GPM6A: variants seen among roughly 807,000 people sequenced by gnomAD.
The protein encoded by GPM6A is neuronal membrane glycoprotein M6-a.
In GPM6A, 7 loss-of-function variants were observed where a neutral mutation model predicts 32.1. That is an observed-to-expected ratio of 0.22 (90% CI 0.12 to 0.41). The LOEUF (loss-of-function observed/expected upper bound fraction) is 0.41, where lower values mean the gene tolerates loss of function less well. Among genes scored for constraint, GPM6A ranks in the 10% least tolerant of loss-of-function variants. The probability of loss-of-function intolerance (pLI) is 1.00; values close to 1 mark genes in which losing one functional copy is unlikely to be tolerated. For synonymous variants in GPM6A, 130 were observed against 123.4 expected (o/e 1.05, Z -0.35); for missense variants, 235 against 347.2 (o/e 0.68, Z 2.57).
chr4:175,850,217 T>A (rs1394441492), intron 1 of GPM6A, among the ~76,000 whole-genome samples: 2 of 152,014 alleles, frequency 1.3e-5, no homozygotes, highest in African/African-American at 4.8e-5. Context: ...AACCCTAAGC[T>A]ATAAAGAGAG....
chr4:175,652,412 G>A (rs533493575), intron 3 of GPM6A, among the ~76,000 whole-genome samples: 15 of 152,008 alleles, frequency 9.9e-5, no homozygotes, highest in African/African-American at 2.9e-4. Flanking sequence ...ATGTCATGTC[G>A]CAAATATTTA....
At chr4:175,746,661 T>C (rs367952846) in intron 1 of GPM6A, among the ~76,000 whole-genome samples, 1 of 152,184 alleles carries the variant, frequency 6.6e-6, no homozygotes, top group South Asian at 2.1e-4. Context: ...CCAAGGACTT[T>C]GATTTTGTAT....
intron 1 of GPM6A, among the ~76,000 whole-genome samples, chr4:175,773,588 T>C (rs1181015352): frequency 6.6e-6 from 1 of 152,188 alleles, no homozygotes; most frequent in East Asian, 1.9e-4. Context: ...AAATGACATG[T>C]ATATATTAGC....
At chr4:175,760,429 C>A (rs1231004116) in intron 1 of GPM6A, among the ~76,000 whole-genome samples, 2 of 152,040 alleles carry the variant, frequency 1.3e-5, no homozygotes, top group Non-Finnish European at 2.9e-5. Context: ...GATGAGGAGA[C>A]AAGCAACACA....
chr4:175,931,449 T>C (rs1739034889), intron 1 of GPM6A, among the ~76,000 whole-genome samples: 1 of 152,126 alleles, frequency 6.6e-6, no homozygotes. Context: ...TTATAGATGA[T>C]AACTCAGATG....
chr4:175,888,803 AAAGGATTCC>A (rs766538829), intron 1 of GPM6A, among the ~76,000 whole-genome samples: 26 of 152,272 alleles, frequency 1.7e-4, no homozygotes, highest in Non-Finnish European at 3.1e-4. Flanking sequence ...TGAATTCCCA[AAAGGATTCC>A]AAGGATTCCA....
intron 1 of GPM6A, among the ~76,000 whole-genome samples, chr4:175,799,639 A>G (rs1734381831): frequency 6.6e-6 from 1 of 151,776 alleles, no homozygotes. Flanking sequence ...CCAAATGACT[A>G]CATTTGTCAC....
intron 2 of GPM6A, among the ~76,000 whole-genome samples, chr4:175,693,646 C>T (rs58109642): frequency 2.0e-4 from 30 of 152,182 alleles, no homozygotes; most frequent in African/African-American, 4.3e-4. Context: ...TGAAATACTT[C>T]GGCTTAAGTC....
intron 1 of GPM6A, among the ~76,000 whole-genome samples, chr4:175,856,665 G>T (rs929914612): frequency 2.6e-5 from 4 of 152,194 alleles, no homozygotes; most frequent in Non-Finnish European, 5.9e-5. Flanking sequence ...GGTGTATGCA[G>T]AGGATTTTTA....
intron 1 of GPM6A, among the ~76,000 whole-genome samples, chr4:175,950,598 C>T (rs1739774796): frequency 1.3e-5 from 2 of 152,084 alleles, no homozygotes; most frequent in Admixed American, 1.3e-4. Flanking sequence ...TTACATTTAA[C>T]TTTACTCTCA....
intron 1 of GPM6A, among the ~76,000 whole-genome samples, chr4:175,972,421 C>T (rs928993424): frequency 3.3e-5 from 5 of 152,124 alleles, no homozygotes; most frequent in African/African-American, 7.2e-5. Flanking sequence ...ATCCTGAACA[C>T]GGTATTTTAA....
At chr4:175,843,913 T>C (rs1369050698) in intron 1 of GPM6A, among the ~76,000 whole-genome samples, 1 of 152,158 alleles carries the variant, frequency 6.6e-6, no homozygotes, top group African/African-American at 2.4e-5. Flanking sequence ...CTGGTTAGCC[T>C]AGTTTTAGCA....
At chr4:175,978,967 A>C (rs796809135) in intron 1 of GPM6A, among the ~76,000 whole-genome samples, 1,762 of 140,820 alleles carry the variant, frequency 0.013, 11 homozygotes, top group South Asian at 0.032. Flanking sequence ...ATTTAAAGCA[A>C]AAAAAAAAAA....
At chr4:175,866,146 T>A (rs893555345) in intron 1 of GPM6A, among the ~76,000 whole-genome samples, 1 of 152,190 alleles carries the variant, frequency 6.6e-6, no homozygotes, top group African/African-American at 2.4e-5. Context: ...AGAGTGGTTT[T>A]AAATTCCCAG....
chr4:175,693,998 C>T (rs549635312), intron 2 of GPM6A, among the ~76,000 whole-genome samples: 6 of 152,218 alleles, frequency 3.9e-5, no homozygotes, highest in Admixed American at 1.3e-4. Flanking sequence ...CTCTCTTGCT[C>T]CTGCTCTGGC....
intron 1 of GPM6A, among the ~76,000 whole-genome samples, chr4:175,909,666 G>C (rs2111505199): frequency 6.6e-6 from 1 of 152,232 alleles, no homozygotes; most frequent in South Asian, 2.1e-4. Context: ...TAAAGGAAGA[G>C]CAATAACGAG....
At chr4:175,976,275 G>A (rs1740657445) in intron 1 of GPM6A, among the ~76,000 whole-genome samples, 1 of 149,074 alleles carries the variant, frequency 6.7e-6, no homozygotes, top group Non-Finnish European at 1.5e-5. Context: ...CCATTCTCCT[G>A]TCTCAGCCTC....
At chr4:175,887,749 T>C (rs914745765) in intron 1 of GPM6A, among the ~76,000 whole-genome samples, 4 of 151,932 alleles carry the variant, frequency 2.6e-5, no homozygotes, top group African/African-American at 9.7e-5. Context: ...AATAATTTCT[T>C]AAGTTTGTTG....
At chr4:175,781,954 A>G (rs1733629232) in intron 1 of GPM6A, among the ~76,000 whole-genome samples, 1 of 152,186 alleles carries the variant, frequency 6.6e-6, no homozygotes, top group Non-Finnish European at 1.5e-5. Context: ...TTCAAAGGTC[A>G]TCTAGCACAG....
Sources: allele counts gnomAD v4.1 joint callset (sites outside exome capture counted in the v4.1 genomes callset), GRCh38; gene constraint gnomAD v4.1.1; transcripts MANE v1.5; gene names NCBI Gene and HGNC (gene_info 2026-07-23, HGNC 2026-07-21).